Variants in IBTK observed in about 807,000 individuals in gnomAD.
IBTK encodes the protein inhibitor of Bruton tyrosine kinase.
IBTK carries 83 observed loss-of-function variants against 154.9 expected under a neutral mutation model. The observed-to-expected ratio is 0.54, with a 90% CI of 0.45 to 0.64. The LOEUF is 0.64. Among genes scored for constraint, IBTK ranks in the 30% least tolerant of loss-of-function variants. The pLI is 0.00. For synonymous variants in IBTK, 515 were observed against 536.1 expected, an observed-to-expected ratio of 0.96 and a Z score of 0.54; for missense variants, 1,332 against 1,584.6, an observed-to-expected ratio of 0.84 and a Z score of 2.71.
In IBTK at chr6:82,216,219, T is replaced by G; in HGVS notation, c.1458A>C (p.Ser486=). The change falls in exon 11 of 29, where the codon TCA becomes TCC. Residue 486 remains serine, a synonymous_variant. Transcript: ENST00000306270. ...EILSNLHNSS[S]DVSYVSDINS... is the part of the protein sequence containing the mutation. ...TTATATCAGAGACATAAGACACATC[T>G]GATGAGGAATTGTGAAGGTTTGATA... 6.3e-7 allele frequency: 1 copy of G among 1,593,620 alleles called. No individual in the cohort carries two copies. The highest frequency in any genetic ancestry group is 8.5e-7 in the Non-Finnish European group (1 of 1,173,678).
chr6:82,205,012 G>A (rs1365732570), intron 16 of IBTK, 54 bp from the exon 17 acceptor site: 8 of 1,106,662 alleles, frequency 7.2e-6, no homozygotes, highest in Admixed American at 2.8e-5. Context: ...ATTATACCTA[G>A]AAAAAAAAAT....
chr6:82,211,493 G>C lies in IBTK; in HGVS notation c.2371C>G (p.Leu791Val), dbSNP rs764953485. The change falls in exon 14 of 29, where the codon CTT (leucine) becomes GTT (valine). Residue 791 changes from leucine (L) to valine (V), a missense_variant. Transcript: ENST00000306270. ...CAGCTTTAAAAAGTGCACCTACCAA[G>C]TCTAGCACAAAGAACACATTTATGA... The part of the protein sequence containing the change: ...PCHKCVLCAR[L>V]EYFHSMLSSS... 1.2e-6 allele frequency: 2 copies of C among 1,612,366 alleles called. No homozygotes were observed. The highest frequency in any genetic ancestry group is 2.2e-5 in the South Asian group (2 of 91,044).
chr6:82,229,357 A>G (rs1770416497), intron 4 of IBTK, among the ~76,000 whole-genome samples: 1 of 152,188 alleles, frequency 6.6e-6, no homozygotes, highest in Non-Finnish European at 1.5e-5. Flanking sequence ...TCTTTGGATC[A>G]GACATTTCAA....
chr6:82,215,690 G>A, intron 11 of IBTK, among the ~76,000 whole-genome samples: 1 of 151,068 alleles, frequency 6.6e-6, no homozygotes, highest in Non-Finnish European at 1.5e-5. Flanking sequence ...GGGAGGCTGA[G>A]GCAAGAGAAC....
intron 26 of IBTK, among the ~76,000 whole-genome samples, chr6:82,181,123 C>T (rs1247932050): frequency 2.4e-4 from 36 of 152,126 alleles, no homozygotes; most frequent in Admixed American, 2.4e-3. Flanking sequence ...GGTGTGGCGG[C>T]TCATGCCTGT....
chr6:82,215,173 G>A (rs1388542457), intron 11 of IBTK, among the ~76,000 whole-genome samples: 1 of 152,130 alleles, frequency 6.6e-6, no homozygotes, highest in Non-Finnish European at 1.5e-5. Flanking sequence ...CCCTCCTGTG[G>A]TTTGCCTTGG....
At chr6:82,246,953 G>A (rs1771171613) in intron 1 of IBTK, among the ~76,000 whole-genome samples, 1 of 152,200 alleles carries the variant, frequency 6.6e-6, no homozygotes. Flanking sequence ...GAAAACAGGA[G>A]TCAAGGACGG....
chr6:82,224,101 C>T lies in IBTK; in HGVS notation c.910G>A (p.Val304Ile). Residue 304 changes from valine to isoleucine, a missense_variant, in exon 7 of 29, where the codon GTT (valine) becomes ATT (isoleucine). Transcript: ENST00000306270. Reference sequence around the variant, plus strand: ...CCACCATTTAGTCCCATAGTGTAAACAGCTTCTCTAGTCCATAGGACTGTA... The same window carrying T: ...CCACCATTTAGTCCCATAGTGTAAATAGCTTCTCTAGTCCATAGGACTGTA... Reference protein sequence around the residue: ...FHTVLWTREAVYTMGLNGGQL... With the variant: ...FHTVLWTREAIYTMGLNGGQL... 1 of 1,611,028 alleles carries T rather than the reference C, an allele frequency of 6.2e-7. No homozygotes were observed. Among genetic ancestry groups the T allele is most frequent in the African/African-American group, 1.3e-5 (1 of 74,968 alleles).
chr6:82,207,819 C>G (rs566823700), intron 16 of IBTK, among the ~76,000 whole-genome samples: 1 of 152,024 alleles, frequency 6.6e-6, no homozygotes, highest in East Asian at 1.9e-4. Flanking sequence ...TAAAACAATT[C>G]AATGGGAAAA....
At position 82,196,407 on chromosome 6, in the gene IBTK, A is replaced by G; in HGVS notation, c.3065T>C (p.Leu1022Pro). The change falls in exon 22 of 29, where the codon CTT becomes CCT. Residue 1022 changes from leucine to proline, a missense_variant. Physicochemically the swap from Leu to Pro is moderately conservative, Grantham distance 98. Transcript: ENST00000306270. ...AGAGTCTGATGTCAACAGTTCTGGA[A>G]GAGATTCCACAGAATTGGTCTTACC... Reference protein sequence around the residue: ...KSGKTNSVESLPELLTSDSEG... With the variant: ...KSGKTNSVESPPELLTSDSEG... The G allele has an allele frequency of 1.2e-6, 2 of 1,612,212 alleles. No homozygotes were observed. Among genetic ancestry groups the G allele is most frequent in the South Asian group, 1.1e-5 (1 of 90,756 alleles).
At chr6:82,188,969 G>A in intron 25 of IBTK, 1 of 411,472 alleles carries the variant, frequency 2.4e-6, no homozygotes, top group Non-Finnish European at 4.7e-6. Flanking sequence ...GGCGGAGGTT[G>A]CAGTGAACCA....
intron 2 of IBTK, among the ~76,000 whole-genome samples, chr6:82,236,099 C>A (rs1408277891): frequency 3.9e-5 from 6 of 152,162 alleles, no homozygotes; most frequent in African/African-American, 1.4e-4. Context: ...GTTTCGAACT[C>A]CTGACCTCAG....
intron 26 of IBTK, among the ~76,000 whole-genome samples, chr6:82,177,658 C>A (rs1768169577): frequency 6.6e-6 from 1 of 152,122 alleles, no homozygotes; most frequent in South Asian, 2.1e-4. Context: ...AGGTGATTTG[C>A]CTGCCTCGGC....
At chr6:82,217,468 C>T (rs1301137270) in intron 10 of IBTK, among the ~76,000 whole-genome samples, 1 of 152,054 alleles carries the variant, frequency 6.6e-6, no homozygotes, top group Non-Finnish European at 1.5e-5. Flanking sequence ...TATAGAGGCC[C>T]ATTTTATATA....
At chr6:82,206,688 A>G (rs997737244) in intron 16 of IBTK, among the ~76,000 whole-genome samples, 1 of 152,184 alleles carries the variant, frequency 6.6e-6, no homozygotes, top group East Asian at 1.9e-4. Flanking sequence ...AGATGCAAAA[A>G]TCCTCAAAAA....
chr6:82,180,207 G>C (rs959869306), intron 26 of IBTK, among the ~76,000 whole-genome samples: 2 of 151,998 alleles, frequency 1.3e-5, no homozygotes, highest in African/African-American at 4.8e-5. Context: ...GGCTTAATCT[G>C]CTTCATATGT....
intron 16 of IBTK, among the ~76,000 whole-genome samples, chr6:82,206,221 GA>G (rs1769406483): frequency 6.6e-6 from 1 of 152,088 alleles, no homozygotes; most frequent in African/African-American, 2.4e-5. Context: ...TAATCACAGG[GA>G]ATCACATTGA....
rs774003942 is a variant in IBTK, at chr6:82,214,249, C to T, written c.2182G>A (p.Asp728Asn). The change falls in exon 12 of 29, where the codon GAC becomes AAC. Residue 728 changes from aspartate to asparagine, a missense_variant. Around this residue, in one of 3 missense-constraint regions of IBTK, gnomAD observed 1,134 missense variants for 1,274.7 expected, o/e 0.89. Coordinates refer to ENST00000306270, the MANE Select transcript of IBTK (RefSeq NM_015525.4). ...TACCTACTACTCAAATTACTGAAGT[C>T]GAATTTCTTTGCAACAGTTTGCAAC... The part of the protein sequence containing the change: ...RMLQTVAKKF[D>N]FSNLSSRLDG... 6.2e-7 allele frequency: 1 copy of T among 1,611,184 alleles called. No individual in the cohort carries two copies.
chr6:82,212,220 A>C (rs922101441), intron 13 of IBTK, among the ~76,000 whole-genome samples: 2 of 152,154 alleles, frequency 1.3e-5, no homozygotes, highest in Non-Finnish European at 2.9e-5. Flanking sequence ...TCTTGACCTC[A>C]GGTGATCCAC....
Sources: allele counts gnomAD v4.1 joint callset (sites outside exome capture counted in the v4.1 genomes callset), GRCh38; gene constraint gnomAD v4.1.1; regional missense constraint gnomAD v4.1.1; transcripts MANE v1.5; gene names NCBI Gene and HGNC (gene_info 2026-07-23, HGNC 2026-07-21).